CHSY3: variants seen among roughly 807,000 people sequenced by gnomAD.
CHSY3 encodes the protein N-acetylgalactosaminyl-proteoglycan 3-beta-glucuronosyltransferase 3.
A neutral mutation model predicts 67.2 loss-of-function variants in CHSY3; 35 were observed. The observed-to-expected ratio is 0.52, with a 90% CI of 0.40 to 0.69. CHSY3 has a LOEUF of 0.69. Ranked by LOEUF, CHSY3 falls within the 30% of genes least tolerant of loss-of-function variation. The pLI is 0.00. For synonymous variants in CHSY3, 474 were observed against 434.7 expected (o/e 1.09, Z -1.12); for missense variants, 1,069 against 1,138.5 (o/e 0.94, Z 0.88).
intron 2 of CHSY3, among the ~76,000 whole-genome samples, chr5:130,147,229 A>C (rs895978646): frequency 6.6e-6 from 1 of 152,184 alleles, no homozygotes; most frequent in African/African-American, 2.4e-5. Context: ...TATGATCTAG[A>C]TGTGGAGACT....
At chr5:130,145,509 A>G (rs1487128371) in intron 2 of CHSY3, among the ~76,000 whole-genome samples, 2 of 152,180 alleles carry the variant, frequency 1.3e-5, no homozygotes, top group Non-Finnish European at 2.9e-5. Flanking sequence ...ATGAAACTAC[A>G]AGAAGGGAAA....
chr5:130,163,756 A>G (rs1166028484), intron 2 of CHSY3, among the ~76,000 whole-genome samples: 4 of 152,188 alleles, frequency 2.6e-5, no homozygotes, highest in African/African-American at 9.7e-5. Flanking sequence ...AAGCTAGCTA[A>G]CTAACATATA....
intron 2 of CHSY3, among the ~76,000 whole-genome samples, chr5:130,032,666 A>G (rs1393028088): frequency 6.6e-6 from 1 of 152,152 alleles, no homozygotes; most frequent in Non-Finnish European, 1.5e-5. Flanking sequence ...CTCTGAGGGC[A>G]TAAAATGAGT....
rs147826482 is a variant in CHSY3 at position 130,173,515 on chromosome 5, G to C, written c.1087-10714G>C. 2.0e-3 allele frequency among the ~76,000 whole-genome samples: 305 copies of C among 152,258 alleles called. 1 individual carries two copies. The highest frequency in any genetic ancestry group is 6.7e-3 in the African/African-American group (280 of 41,562). On this transcript the variant is annotated intron_variant, in intron 2 of 2. Coordinates refer to ENST00000305031, the MANE Select transcript of CHSY3 (RefSeq NM_175856.5). ...GTTTGTGTGCATGTATACACACATGGATTTAGTTTCATGCAATTTTATCAC... is the reference window on the plus strand; with the variant it reads ...GTTTGTGTGCATGTATACACACATGCATTTAGTTTCATGCAATTTTATCAC...
At chr5:130,132,561 G>C (rs1248856412) in intron 2 of CHSY3, among the ~76,000 whole-genome samples, 1 of 152,136 alleles carries the variant, frequency 6.6e-6, no homozygotes, top group Non-Finnish European at 1.5e-5. Flanking sequence ...GTTGATATAA[G>C]TAGTTAGACC....
intron 2 of CHSY3, among the ~76,000 whole-genome samples, chr5:130,105,188 T>C (rs543537381): frequency 6.6e-6 from 1 of 151,734 alleles, no homozygotes; most frequent in Non-Finnish European, 1.5e-5. Flanking sequence ...ACATCCTTTC[T>C]CCCTTTCTTT....
chr5:129,927,345 A>G (rs1342574565), intron 2 of CHSY3, among the ~76,000 whole-genome samples: 1 of 152,020 alleles, frequency 6.6e-6, no homozygotes, highest in Non-Finnish European at 1.5e-5. Context: ...TTCTTAAAAA[A>G]AACTTTTGAC....
intron 2 of CHSY3, among the ~76,000 whole-genome samples, chr5:129,978,206 T>G (rs1473318087): frequency 6.6e-6 from 1 of 152,188 alleles, no homozygotes; most frequent in African/African-American, 2.4e-5. Context: ...TATTTTGCTT[T>G]TGAAAAAAAG....
intron 2 of CHSY3, among the ~76,000 whole-genome samples, chr5:130,116,405 A>T (rs1416995281): frequency 1.3e-5 from 2 of 152,212 alleles, no homozygotes; most frequent in Non-Finnish European, 2.9e-5. Context: ...TTTTATATCC[A>T]GTATTCAATT....
chr5:130,025,395 A>G (rs892466802), intron 2 of CHSY3, among the ~76,000 whole-genome samples: 2 of 152,150 alleles, frequency 1.3e-5, no homozygotes, highest in Non-Finnish European at 2.9e-5. Flanking sequence ...CAGAGAAGGA[A>G]GTAAGGAACT....
At chr5:130,045,569 C>T (rs2429190) in intron 2 of CHSY3, among the ~76,000 whole-genome samples, 79,081 of 151,722 alleles carry the variant, frequency 0.52, 21,289 homozygotes, top group East Asian at 0.67. Flanking sequence ...CCGAGAGCAT[C>T]CTGAGCAGAA....
At chr5:129,955,555 AG>A (rs1762147398) in intron 2 of CHSY3, among the ~76,000 whole-genome samples, 1 of 150,830 alleles carries the variant, frequency 6.6e-6, no homozygotes, top group South Asian at 2.1e-4. Context: ...TAATCTTCAA[AG>A]TTTATTTAAC....
chr5:129,927,917 C>T (rs955273981), intron 2 of CHSY3, among the ~76,000 whole-genome samples: 1 of 151,684 alleles, frequency 6.6e-6, no homozygotes, highest in Non-Finnish European at 1.5e-5. Flanking sequence ...TGTAGTTGAC[C>T]TGAAGCCCCC....
chr5:129,981,329 C>T (rs368061610), intron 2 of CHSY3, among the ~76,000 whole-genome samples: 1 of 152,102 alleles, frequency 6.6e-6, no homozygotes, highest in South Asian at 2.1e-4. Flanking sequence ...CAGTACCACA[C>T]TGTCTTGATT....
intron 2 of CHSY3, among the ~76,000 whole-genome samples, chr5:129,997,796 T>C (rs1452487394): frequency 1.3e-5 from 2 of 152,156 alleles, no homozygotes; most frequent in African/African-American, 4.8e-5. Context: ...CTGAGAATGA[T>C]GGTTTCCAGC....
At chr5:130,105,043 T>C (rs963860801) in intron 2 of CHSY3, among the ~76,000 whole-genome samples, 1 of 151,538 alleles carries the variant, frequency 6.6e-6, no homozygotes, top group Non-Finnish European at 1.5e-5. Flanking sequence ...GAAACCATTA[T>C]TGGTGTTTGA....
At chr5:130,020,461 A>ATATATATATTTT (rs1371121130) in intron 2 of CHSY3, among the ~76,000 whole-genome samples, 10 of 79,892 alleles carry the variant, frequency 1.3e-4, no homozygotes, top group Non-Finnish European at 1.6e-4. Context: ...ATATATATAT[A>ATATATATATTTT]TTTTTTTTTT....
chr5:130,143,034 C>G (rs1768915093), intron 2 of CHSY3, among the ~76,000 whole-genome samples: 1 of 152,202 alleles, frequency 6.6e-6, no homozygotes, highest in African/African-American at 2.4e-5. Flanking sequence ...ACACATTGAT[C>G]TACTGTTAAT....
chr5:130,066,155 T>G (rs1765877629), intron 2 of CHSY3, among the ~76,000 whole-genome samples: 1 of 152,256 alleles, frequency 6.6e-6, no homozygotes, highest in South Asian at 2.1e-4. Flanking sequence ...CATTACTTCC[T>G]TTTCAATACT....
Sources: gnomAD v4.1 joint callset for allele counts (sites outside exome capture counted in the v4.1 genomes callset) on GRCh38, gnomAD v4.1.1 for gene constraint, MANE v1.5 for transcripts, NCBI Gene and HGNC (gene_info 2026-07-23, HGNC 2026-07-21) for gene names.